The following MKRN3 variants were observed in gnomAD, a reference collection of about 807,000 sequenced individuals.
The protein encoded by MKRN3 is E3 ubiquitin-protein ligase makorin-3.
For missense variants in MKRN3, 749 were observed against 667.0 expected, an observed-to-expected ratio of 1.12 and a Z score of -1.35; for synonymous variants, 301 against 250.2, an observed-to-expected ratio of 1.20 and a Z score of -1.91.
In MKRN3 at chr15:23,566,393, T is replaced by C. The variant is rs546034306; in HGVS notation, c.611T>C (p.Ile204Thr). ...GAGVESWADA[I>T]EFVPGQPYRG... ...GGTGTAGAAAGCTGGGCGGATGCCA[T>C]TGAGTTTGTTCCAGGGCAGCCCTAC... Residue 204 changes from isoleucine (I) to threonine (T), a missense_variant, in exon 1 of 1, where the codon ATT becomes ACT. Physicochemically the swap from Ile to Thr is moderately conservative, Grantham distance 89. Coordinates refer to ENST00000314520, the MANE Select transcript of MKRN3 (RefSeq NM_005664.4). 8 of 1,614,044 alleles carry C rather than the reference T, an allele frequency of 5.0e-6. No homozygotes were observed. The highest frequency in any genetic ancestry group is 2.2e-5 in the East Asian group (1 of 44,852).
At position 23,567,012 on chromosome 15, in the gene MKRN3, C is replaced by T. The variant is rs1286171413; in HGVS notation, c.1230C>T (p.Cys410=). 3.1e-6 allele frequency: 5 copies of T among 1,614,114 alleles called. No individual in the cohort carries two copies. The highest frequency in any genetic ancestry group is 2.2e-5 in the East Asian group (1 of 44,888). The change falls in exon 1 of 1, where the codon TGC becomes TGT. Residue 410 remains cysteine, a synonymous_variant. Coordinates refer to ENST00000314520, the MANE Select transcript of MKRN3 (RefSeq NM_005664.4). ...CRYFAEGRGN[C]PFGDTCFYKH... ...ATTTTGCGGAAGGCAGGGGTAACTG[C>T]CCATTTGGAGACACATGCTTTTACA...
Position 23,567,082 on chromosome 15 carries a change from G to A in MKRN3, c.1300G>A (p.Gly434Ser). 1 of 1,614,250 alleles carries A rather than the reference G, an allele frequency of 6.2e-7. No homozygotes were observed. The change falls in exon 1 of 1, where the codon GGT becomes AGT. Residue 434 changes from glycine to serine, a missense_variant. Transcript: ENST00000314520. ...EGWGDEPPGP[G>S]GGSFSAYWHQ... ...CTGGGGAGATGAGCCTCCTGGGCCA[G>A]GTGGTGGGTCATTCAGCGCATACTG...
Position 23,567,827 on chromosome 15 carries a change from A to C in MKRN3, c.*521A>C. 1.0e-6 allele frequency: 1 copy of C among 996,340 alleles called. No individual in the cohort carries two copies. Among genetic ancestry groups the C allele is most frequent in the Non-Finnish European group, 1.2e-6 (1 of 826,454 alleles). The allele number at this position is 996,340 out of a possible 1,614,324, so 61.7% of individuals were successfully genotyped here. A position where few individuals can be genotyped will look rare whatever the true frequency, so the allele number is the denominator to read the frequency against. Reference sequence around the variant, plus strand: ...TTTGTGTTTTACTTGACCAAAACCAAGTGTATATGTTTACATGTTTTTATC... The same window carrying C: ...TTTGTGTTTTACTTGACCAAAACCACGTGTATATGTTTACATGTTTTTATC... On this transcript the variant is annotated 3_prime_UTR_variant, in exon 1 of 1. Transcript: ENST00000314520.
chr15:23,567,575 T>A lies in MKRN3; in HGVS notation c.*269T>A. 7.8e-7 allele frequency: 1 copy of A among 1,286,866 alleles called. No homozygotes were observed. The highest frequency in any genetic ancestry group is 9.9e-7 in the Non-Finnish European group (1 of 1,007,660). 79.7% of individuals were successfully genotyped at this position (1,286,866 alleles called of 1,614,324 possible). On this transcript the variant is annotated 3_prime_UTR_variant, in exon 1 of 1. Transcript: ENST00000314520. ...TCTGTTGTCAACAGGATTAACTCAGTTCTAGTGTAGTGTTTACTGAATTTC... is the reference window on the plus strand; with the variant it reads ...TCTGTTGTCAACAGGATTAACTCAGATCTAGTGTAGTGTTTACTGAATTTC...
chr15:23,566,324 A>C lies in MKRN3; in HGVS notation c.542A>C (p.Glu181Ala). The C allele has an allele frequency of 6.2e-7, 1 of 1,614,062 alleles. No homozygotes were observed. The highest frequency in any genetic ancestry group is 2.2e-5 in the East Asian group (1 of 44,850). The change falls in exon 1 of 1, where the codon GAA becomes GCA. Residue 181 changes from glutamate (E) to alanine (A), a missense_variant. Glu to Ala is a moderately radical substitution (Grantham distance 107, BLOSUM62 -1). Coordinates refer to ENST00000314520, the MANE Select transcript of MKRN3 (RefSeq NM_005664.4). ...TCGGCTGCTGAAAGGGGTTTCTTTG[A>C]AGCCGAGAGAGACAATGCAGACCGT... ...IGSAAERGFF[E>A]AERDNADRGA...
Position 23,566,596 on chromosome 15 carries a change from C to A in MKRN3, c.814C>A (p.Gln272Lys). The A allele has an allele frequency of 6.2e-7, 1 of 1,614,158 alleles. No homozygotes were observed. The highest frequency in any genetic ancestry group is 8.5e-7 in the Non-Finnish European group (1 of 1,180,024). ...HGDICDMCGL[Q>K]TLHPMDAAQR... ...AGACATATGCGACATGTGTGGGCTG[C>A]AGACCTTGCACCCCATGGATGCTGC... The change falls in exon 1 of 1, where the codon CAG (glutamine) becomes AAG (lysine). Residue 272 changes from glutamine (Q) to lysine (K), a missense_variant. Physicochemically the swap from Gln to Lys is moderately conservative, Grantham distance 53. Coordinates refer to ENST00000314520, the MANE Select transcript of MKRN3 (RefSeq NM_005664.4).
Position 23,566,315 on chromosome 15 carries a change from G to A in MKRN3, c.533G>A (p.Gly178Asp), listed in dbSNP as rs905125862. The stretch of plus-strand genomic sequence containing the variant: ...GTGATTGGCTCGGCTGCTGAAAGGG[G>A]TTTCTTTGAAGCCGAGAGAGACAAT... ...LPVIGSAAER[G>D]FFEAERDNAD... The change falls in exon 1 of 1, where the codon GGT becomes GAT. Residue 178 changes from glycine to aspartate, a missense_variant. Coordinates refer to ENST00000314520, the MANE Select transcript of MKRN3 (RefSeq NM_005664.4). The A allele has an allele frequency of 6.2e-7, 1 of 1,614,018 alleles. No individual in the cohort carries two copies. Among genetic ancestry groups the A allele is most frequent in the African/African-American group, 1.3e-5 (1 of 74,926 alleles).
Position 23,566,746 on chromosome 15 carries a change from G to C in MKRN3, c.964G>C (p.Ala322Pro). The C allele has an allele frequency of 6.2e-7, 1 of 1,614,190 alleles. No homozygotes were observed. Among genetic ancestry groups the C allele is most frequent in the Non-Finnish European group, 8.5e-7 (1 of 1,180,048 alleles). ...CTGCATGGAGGTTGTCTATGAGAAG[G>C]CCAACCCCAATGACCGCCGCTTTGG... ...GICMEVVYEK[A>P]NPNDRRFGIL... Residue 322 changes from alanine to proline, a missense_variant, in exon 1 of 1, where the codon GCC becomes CCC. Ala to Pro is a conservative substitution (Grantham distance 27). Transcript: ENST00000314520.
In MKRN3 at chr15:23,567,210, G is replaced by C. The variant is rs1303469414; in HGVS notation, c.1428G>C (p.Lys476Asn). ...TTCGGCTGGCCAGTCTGTTGTTTAA[G>C]CGGTTTCTTTCACTGAGAGATGAGT... The part of the protein sequence containing the change: ...VVLRLASLLF[K>N]RFLSLRDELP... The change falls in exon 1 of 1, where the codon AAG becomes AAC. Residue 476 changes from lysine (K) to asparagine (N), a missense_variant. Transcript: ENST00000314520. 8 of 1,614,094 alleles carry C rather than the reference G, an allele frequency of 5.0e-6. No individual in the cohort carries two copies. The highest frequency in any genetic ancestry group is 1.7e-5 in the Admixed American group (1 of 60,008).
rs1285008285 is a variant in MKRN3 at position 23,567,447 on chromosome 15, C to T, written c.*141C>T. On this transcript the variant is annotated 3_prime_UTR_variant, in exon 1 of 1. Coordinates refer to ENST00000314520, the MANE Select transcript of MKRN3 (RefSeq NM_005664.4). ...TTCTTGTCTATTCTGCATATCTTTC[C>T]CCCTAGGATTATGGTGATTATCTGT... is the stretch of plus-strand genomic sequence containing the variant. 3.4e-6 allele frequency: 5 copies of T among 1,473,566 alleles called. No homozygotes were observed. Among genetic ancestry groups the T allele is most frequent in the South Asian group, 1.4e-5 (1 of 69,008 alleles). 91.3% of individuals were successfully genotyped at this position (1,473,566 alleles called of 1,614,324 possible).
rs1595298134 is a variant in MKRN3 at position 23,565,725 on chromosome 15, C to A, written c.-58C>A. On this transcript the variant is annotated 5_prime_UTR_variant, in exon 1 of 1. Coordinates refer to ENST00000314520, the MANE Select transcript of MKRN3 (RefSeq NM_005664.4). ...CGCGGCCGCCATTCCGGGCCTCAAGCCCATAAAGAAAAAATACCGGAGAGG... is the reference window on the plus strand; with the variant it reads ...CGCGGCCGCCATTCCGGGCCTCAAGACCATAAAGAAAAAATACCGGAGAGG... 2 of 1,464,032 alleles carry A rather than the reference C, an allele frequency of 1.4e-6. No individual in the cohort carries two copies. The highest frequency in any genetic ancestry group is 5.0e-5 in the Admixed American group (2 of 39,650). 90.7% of individuals were successfully genotyped at this position (1,464,032 alleles called of 1,614,324 possible).
chr15:23,566,796 C>G lies in MKRN3; in HGVS notation c.1014C>G (p.Ser338=). The G allele has an allele frequency of 6.2e-7, 1 of 1,614,224 alleles. No individual in the cohort carries two copies. The highest frequency in any genetic ancestry group is 8.5e-7 in the Non-Finnish European group (1 of 1,180,040). ...GCATTCTTTCCAATTGCAACCATTC[C>G]TTCTGTATTAGGTGTATCCGCAGGT... The part of the protein sequence containing the change: ...RFGILSNCNH[S]FCIRCIRRWR... The change falls in exon 1 of 1, where the codon TCC becomes TCG. Residue 338 remains serine, a synonymous_variant. Transcript: ENST00000314520.
chr15:23,567,558 C>A lies in MKRN3; in HGVS notation c.*252C>A. 7.5e-7 allele frequency: 1 copy of A among 1,335,890 alleles called. No homozygotes were observed. The highest frequency in any genetic ancestry group is 9.7e-7 in the Non-Finnish European group (1 of 1,036,190). 82.8% of individuals were successfully genotyped at this position (1,335,890 alleles called of 1,614,324 possible). A position where few individuals can be genotyped will look rare whatever the true frequency, so the allele number is the denominator to read the frequency against. On this transcript the variant is annotated 3_prime_UTR_variant, in exon 1 of 1. Coordinates refer to ENST00000314520, the MANE Select transcript of MKRN3 (RefSeq NM_005664.4). ...GGCTTTTTTTTGTCATCTCTGTTGT[C>A]AACAGGATTAACTCAGTTCTAGTGT...
Position 23,565,906 on chromosome 15 carries a change from G to C in MKRN3, c.124G>C (p.Ala42Pro), listed in dbSNP as rs1566764395. 2.5e-6 allele frequency: 4 copies of C among 1,613,854 alleles called. No homozygotes were observed. The highest frequency in any genetic ancestry group is 3.4e-6 in the Non-Finnish European group (4 of 1,179,948). The change falls in exon 1 of 1, where the codon GCT (alanine) becomes CCT (proline). Residue 42 changes from alanine to proline, a missense_variant. Transcript: ENST00000314520. Reference protein sequence around the residue: ...LPVCEPSGESAAPDSALPHAA... With the variant: ...LPVCEPSGESPAPDSALPHAA... ...CGTCTGTGAGCCCTCCGGGGAATCT[G>C]CTGCTCCAGATTCAGCCCTGCCACA...
At position 23,567,134 on chromosome 15, in the gene MKRN3, TG is replaced by T. The variant is rs1566765322; in HGVS notation, c.1355del (p.Gly452GlufsTer30). The T allele has an allele frequency of 6.2e-7, 1 of 1,614,194 alleles. No individual in the cohort carries two copies. Among genetic ancestry groups the T allele is most frequent in the East Asian group, 2.2e-5 (1 of 44,882 alleles). ...CATCAACTTGTGGAGCCTGTGCGAA[TG>T]GGAGAGGGCAACATGCTCTATAAAA... The part of the protein sequence containing the change: ...YWHQLVEPVR[M>X]GEGNMLYKSI... On this transcript the variant is annotated frameshift_variant, in exon 1 of 1. Transcript: ENST00000314520. LOFTEE classifies it low-confidence loss of function (END_TRUNC).
Position 23,567,330 on chromosome 15 carries a change from A to AGTCTGCTGAGGTTCTGTC in MKRN3, c.*32_*49dup. ...AGCATCGTGCTGTGGCATGTGGTCT[A>AGTCTGCTGAGGTTCTGTC]GTCTGCTGAGGTTCTGTCGTCTGCT... On this transcript the variant is annotated 3_prime_UTR_variant, in exon 1 of 1. Transcript: ENST00000314520. 1 of 1,608,370 alleles carries AGTCTGCTGAGGTTCTGTC rather than the reference A, an allele frequency of 6.2e-7. No homozygotes were observed. Among genetic ancestry groups the AGTCTGCTGAGGTTCTGTC allele is most frequent in the South Asian group, 1.1e-5 (1 of 90,256 alleles).
chr15:23,565,703 G>C lies in MKRN3; in HGVS notation c.-80G>C. 1.4e-6 allele frequency: 2 copies of C among 1,389,732 alleles called. No individual in the cohort carries two copies. Among genetic ancestry groups the C allele is most frequent in the Non-Finnish European group, 1.9e-6 (2 of 1,049,196 alleles). 86.1% of individuals were successfully genotyped at this position (1,389,732 alleles called of 1,614,324 possible). A position where few individuals can be genotyped will look rare whatever the true frequency, so the allele number is the denominator to read the frequency against. On this transcript the variant is annotated 5_prime_UTR_variant, in exon 1 of 1. Coordinates refer to ENST00000314520, the MANE Select transcript of MKRN3 (RefSeq NM_005664.4). ...TTCCCCCAGAGAAGCCTCCGAGCGC[G>C]GCCGCCATTCCGGGCCTCAAGCCCA...
At position 23,566,326 on chromosome 15, in the gene MKRN3, G is replaced by A; in HGVS notation, c.544G>A (p.Ala182Thr). 7 of 1,614,176 alleles carry A rather than the reference G, an allele frequency of 4.3e-6. No homozygotes were observed. The highest frequency in any genetic ancestry group is 5.9e-6 in the Non-Finnish European group (7 of 1,180,042). The part of the protein sequence containing the change: ...GSAAERGFFE[A>T]ERDNADRGAA... ...GGCTGCTGAAAGGGGTTTCTTTGAA[G>A]CCGAGAGAGACAATGCAGACCGTGG... The change falls in exon 1 of 1, where the codon GCC becomes ACC. Residue 182 changes from alanine (A) to threonine (T), a missense_variant. By Grantham distance (58) the Ala-to-Thr change is moderately conservative. Transcript: ENST00000314520.
Position 23,565,972 on chromosome 15 carries a change from C to T in MKRN3, c.190C>T (p.Pro64Ser), listed in dbSNP as rs1487520973. Reference protein sequence around the residue: ...GWAPFPVAPVPAHLRRGGLRP... With the variant: ...GWAPFPVAPVSAHLRRGGLRP... ...GGCCCCCTTCCCTGTAGCTCCAGTCCCTGCCCACCTCCGCAGAGGAGGCCT... is the reference window on the plus strand; with the variant it reads ...GGCCCCCTTCCCTGTAGCTCCAGTCTCTGCCCACCTCCGCAGAGGAGGCCT... The change falls in exon 1 of 1, where the codon CCT becomes TCT. Residue 64 changes from proline to serine, a missense_variant. Pro to Ser is a moderately conservative substitution (Grantham distance 74). Transcript: ENST00000314520. 6.2e-7 allele frequency: 1 copy of T among 1,613,792 alleles called. No individual in the cohort carries two copies.
Sources: allele counts gnomAD v4.1 joint callset, GRCh38; gene constraint gnomAD v4.1.1; transcripts MANE v1.5; gene names NCBI Gene and HGNC (gene_info 2026-07-23, HGNC 2026-07-21).